Variants in L3MBTL4 observed in about 807,000 individuals in gnomAD.
The protein encoded by L3MBTL4 is L3MBTL histone methyl-lysine binding protein 4.
Under a neutral mutation model 84.5 loss-of-function variants are expected in L3MBTL4, and 70 were observed. The ratio of observed to expected loss-of-function variants is 0.83; its 90% CI spans 0.68 to 1.01. The LOEUF (loss-of-function observed/expected upper bound fraction) is 1.01, where lower values mean the gene tolerates loss of function less well. L3MBTL4 is among the 50% of genes least tolerant of loss of function. The pLI, the probability that L3MBTL4 is intolerant of heterozygous loss-of-function variation, is 0.00. For missense variants in L3MBTL4, 715 were observed against 754.8 expected (o/e 0.95, Z 0.62); for synonymous variants, 274 against 259.8 (o/e 1.05, Z -0.52).
chr18:6,245,490 T>C (rs972835873), intron 5 of L3MBTL4, among the ~76,000 whole-genome samples: 1 of 152,130 alleles, frequency 6.6e-6, no homozygotes, highest in Admixed American at 6.5e-5. Context: ...GATAAACTTA[T>C]AATTTTAAGG....
chr18:6,259,066 G>GT (rs1329482965), intron 5 of L3MBTL4: 2 of 152,290 alleles, frequency 1.3e-5, no homozygotes, highest in Middle Eastern at 3.1e-3. Context: ...AGGAGGCAGA[G>GT]TGCCCGGGGG....
chr18:6,376,222 C>T (rs1478806746), intron 1 of L3MBTL4, among the ~76,000 whole-genome samples: 4 of 152,160 alleles, frequency 2.6e-5, no homozygotes, highest in African/African-American at 4.8e-5. Context: ...ACCTGGAGCA[C>T]GGCACCCAAA....
chr18:6,191,808 T>C (rs1390789373), intron 12 of L3MBTL4, among the ~76,000 whole-genome samples: 1 of 151,980 alleles, frequency 6.6e-6, no homozygotes, highest in Non-Finnish European at 1.5e-5. Flanking sequence ...CACACCATAA[T>C]GGGACCTTTG....
At chr18:5,973,132 C>T (rs954312621) in intron 16 of L3MBTL4, among the ~76,000 whole-genome samples, 1 of 152,184 alleles carries the variant, frequency 6.6e-6, no homozygotes, top group African/African-American at 2.4e-5. Context: ...TACACCACTT[C>T]CAAAGCCAGT....
intron 14 of L3MBTL4, among the ~76,000 whole-genome samples, chr18:6,116,794 T>A (rs1466057101): frequency 6.6e-6 from 1 of 152,240 alleles, no homozygotes; most frequent in African/African-American, 2.4e-5. Flanking sequence ...AACATAATTA[T>A]AAAGCAAATA....
intron 1 of L3MBTL4, among the ~76,000 whole-genome samples, chr18:6,380,583 TCA>T (rs1315639228): frequency 6.6e-6 from 1 of 152,206 alleles, no homozygotes; most frequent in Non-Finnish European, 1.5e-5. Context: ...TACCCAGTAG[TCA>T]TTCGGGAGCA....
chr18:6,191,983 C>G (rs1392923180), intron 12 of L3MBTL4, among the ~76,000 whole-genome samples: 16 of 150,200 alleles, frequency 1.1e-4, no homozygotes, highest in Non-Finnish European at 5.9e-5. Context: ...GAGCGAGTAT[C>G]CCTGTCCCCT....
At chr18:6,394,075 T>G (rs1249549123) in intron 1 of L3MBTL4, among the ~76,000 whole-genome samples, 1 of 152,126 alleles carries the variant, frequency 6.6e-6, no homozygotes, top group Non-Finnish European at 1.5e-5. Context: ...CCTCTCCTTC[T>G]CACTACCCTT....
intron 1 of L3MBTL4, among the ~76,000 whole-genome samples, chr18:6,369,955 G>A (rs536346624): frequency 6.6e-6 from 1 of 152,174 alleles, no homozygotes; most frequent in African/African-American, 2.4e-5. Context: ...CCAACATGGT[G>A]AATCCCTGTC....
At chr18:5,974,983 T>TA (rs144190216) in intron 16 of L3MBTL4, among the ~76,000 whole-genome samples, 3 of 151,192 alleles carry the variant, frequency 2.0e-5, no homozygotes, top group South Asian at 2.1e-4. Flanking sequence ...TTTTTTTTTT[T>TA]AAAAAGAGGA....
At chr18:6,281,139 A>C (rs1465683400) in intron 4 of L3MBTL4, among the ~76,000 whole-genome samples, 6 of 152,236 alleles carry the variant, frequency 3.9e-5, no homozygotes, top group African/African-American at 1.4e-4. Context: ...TAACTGGGAA[A>C]ATTGACAAAA....
chr18:5,987,165 C>T (rs8098351), intron 16 of L3MBTL4, among the ~76,000 whole-genome samples: 26,049 of 152,154 alleles, frequency 0.17, 3,455 homozygotes, highest in African/African-American at 0.36. Flanking sequence ...AGGCTCAGGA[C>T]GGAGAGGGGT....
At chr18:6,411,266 AT>A (rs201362050) in intron 1 of L3MBTL4, among the ~76,000 whole-genome samples, 1 of 99,958 alleles carries the variant, frequency 1.0e-5, no homozygotes, top group South Asian at 3.1e-4. Context: ...TAAATAGTGC[AT>A]TTTTTTATGG....
At chr18:6,333,287 T>A (rs1374336449) in intron 1 of L3MBTL4, among the ~76,000 whole-genome samples, 1 of 152,002 alleles carries the variant, frequency 6.6e-6, no homozygotes, top group South Asian at 2.1e-4. Flanking sequence ...AAACAACATC[T>A]AATTGGGCCA....
At chr18:6,349,989 T>C (rs2053104217) in intron 1 of L3MBTL4, among the ~76,000 whole-genome samples, 3 of 152,262 alleles carry the variant, frequency 2.0e-5, no homozygotes, top group Admixed American at 6.5e-5. Context: ...GTGTATGTCA[T>C]AGTTTAATAA....
At position 6,401,184 on chromosome 18, in the gene L3MBTL4, C is replaced by T. The variant is rs150390184; in HGVS notation, c.-91+13617G>A. On this transcript the variant is annotated intron_variant, in intron 1 of 18. Transcript: ENST00000317931. ...GAGGAATATGCCTTTATACATCTCA[C>T]GGGCAATAATGACTATTAAATCAAT... 2.5e-4 allele frequency among the ~76,000 whole-genome samples: 38 copies of T among 152,218 alleles called. No homozygotes were observed. In the East Asian group the frequency reaches 6.0e-3, roughly 24 times the overall value.
At chr18:6,256,320 G>A (rs1269860338) in intron 5 of L3MBTL4, among the ~76,000 whole-genome samples, 7 of 152,086 alleles carry the variant, frequency 4.6e-5, no homozygotes, top group African/African-American at 1.7e-4. Flanking sequence ...TTGGGGTAGG[G>A]TGAATTCCCT....
chr18:6,318,054 G>A (rs545879411), intron 1 of L3MBTL4, among the ~76,000 whole-genome samples: 8 of 152,048 alleles, frequency 5.3e-5, no homozygotes, highest in Non-Finnish European at 1.0e-4. Flanking sequence ...AACAAATGCC[G>A]AGGGAATTTG....
chr18:6,139,984 C>T (rs1277904447), intron 13 of L3MBTL4, among the ~76,000 whole-genome samples: 1 of 152,158 alleles, frequency 6.6e-6, no homozygotes, highest in African/African-American at 2.4e-5. Flanking sequence ...CCCATGTGCT[C>T]ACCCTGCCAC....
Sources: allele counts gnomAD v4.1 joint callset (sites outside exome capture counted in the v4.1 genomes callset), GRCh38; gene constraint gnomAD v4.1.1; transcripts MANE v1.5; gene names NCBI Gene and HGNC (gene_info 2026-07-23, HGNC 2026-07-21).